PRH1: variants seen among roughly 807,000 people sequenced by gnomAD.
PRH1 encodes salivary acidic proline-rich phosphoprotein 1/2.
Under a neutral mutation model 7.9 loss-of-function variants are expected in PRH1, and 7 were observed. The observed-to-expected ratio is 0.89, with a 90% confidence interval of 0.50 to 1.67. The LOEUF is 1.67. PRH1 is among the 40% of genes most tolerant of loss of function. PRH1 has a pLI of 0.00. For missense variants in PRH1, 109 were observed against 223.6 expected (o/e 0.49, Z 3.27); for synonymous variants, 45 against 80.8 (o/e 0.56, Z 2.38).
chr12:11,102,513 A>C (rs866583868), intron 1 of PRH1, among the ~76,000 whole-genome samples: 8 of 152,274 alleles, frequency 5.3e-5, no homozygotes, highest in African/African-American at 1.2e-4. Flanking sequence ...AACTGGATCC[A>C]TTCCTTACAC....
intron 2 of PRH1, among the ~76,000 whole-genome samples, chr12:10,923,745 T>C (rs1049276787): frequency 4.6e-5 from 7 of 152,210 alleles, no homozygotes; most frequent in Non-Finnish European, 1.0e-4. Context: ...CCATTTATTT[T>C]CTGTCACTGT....
intron 1 of PRH1, chr12:11,091,605 T>G: frequency 7.6e-7 from 1 of 1,315,848 alleles, no homozygotes; most frequent in South Asian, 1.2e-5. Flanking sequence ...TGGAGCTGCA[T>G]CTTCTTGAGA....
intron 2 of PRH1, chr12:10,937,405 T>A (rs1243444621): frequency 6.6e-6 from 1 of 152,026 alleles, no homozygotes; most frequent in African/African-American, 2.4e-5. Context: ...CAGCAAAAAA[T>A]TTGATAGTTT....
intron 1 of PRH1, among the ~76,000 whole-genome samples, chr12:11,167,280 G>A (rs987182075): frequency 6.6e-6 from 1 of 151,996 alleles, no homozygotes; most frequent in South Asian, 2.1e-4. Flanking sequence ...CCTGTGTCTG[G>A]GGCTCCCAGG....
At chr12:10,939,284 T>C (rs1950352908) in intron 2 of PRH1, 3 of 802,972 alleles carry the variant, frequency 3.7e-6, no homozygotes, top group African/African-American at 1.8e-5. Context: ...ATGCTATGTA[T>C]ATCTGATTCT....
In PRH1 at chr12:11,094,611, A is replaced by G. The variant is rs1458709643; in HGVS notation, n.124-47423T>C. Among the ~76,000 whole-genome samples, 2 of 116,214 alleles carry G rather than the reference A, an allele frequency of 1.7e-5. 1 individual carries two copies. Among genetic ancestry groups the G allele is most frequent in the Admixed American group, 1.7e-4 (2 of 11,592 alleles). The allele number at this position is 116,214 out of a possible 152,430, so 76.2% of individuals were successfully genotyped here. A position where few individuals can be genotyped will look rare whatever the true frequency, so the allele number is the denominator to read the frequency against. On this transcript the variant is annotated intron_variant and non_coding_transcript_variant, in intron 1 of 4. Coordinates refer to the PRH1 transcript ENST00000541977. ...TTTTCTTATGTTGCAACTAAATAAGAAAGTTCCTATTTCAACTATCTTAGA... is the reference window on the plus strand; with the variant it reads ...TTTTCTTATGTTGCAACTAAATAAGGAAGTTCCTATTTCAACTATCTTAGA...
At chr12:10,954,689 C>T (rs972966960) in intron 2 of PRH1, among the ~76,000 whole-genome samples, 1 of 152,094 alleles carries the variant, frequency 6.6e-6, no homozygotes, top group East Asian at 1.9e-4. Flanking sequence ...GTTGCTCAGG[C>T]TGGTCTCAAA....
upstream of PRH1, among the ~76,000 whole-genome samples, chr12:11,051,456 C>T (rs1943140258): frequency 6.6e-6 from 1 of 152,054 alleles, no homozygotes; most frequent in African/African-American, 2.4e-5. Flanking sequence ...CTAGACTGCA[C>T]ACTTAGAAAT....
chr12:10,909,230 G>T lies in PRH1; in HGVS notation c.-58-24955C>A, dbSNP rs767672649. The T allele has an allele frequency of 6.5e-5, 105 of 1,613,404 alleles. No homozygotes were observed. Among genetic ancestry groups the T allele is most frequent in the Middle Eastern group, 1.6e-4 (1 of 6,082 alleles). ...AGTTGATCAGTACTATAAATCCATT[G>T]CTCAAATTCCCAATTATGAATTCTG... is the stretch of plus-strand genomic sequence containing the variant. On this transcript the variant is annotated intron_variant, in intron 2 of 3. Transcript: ENST00000539853.
intron 2 of PRH1, chr12:10,964,418 A>G (rs1938401326): frequency 4.3e-6 from 1 of 232,966 alleles, no homozygotes; most frequent in Non-Finnish European, 9.4e-6. Context: ...CCACTTGTGA[A>G]TCTAGAAATT....
chr12:10,912,911 T>C (rs1949920943), intron 2 of PRH1, among the ~76,000 whole-genome samples: 1 of 152,210 alleles, frequency 6.6e-6, no homozygotes, highest in Non-Finnish European at 1.5e-5. Context: ...ACTAGATCTA[T>C]TTGTAATCAT....
intron 1 of PRH1, among the ~76,000 whole-genome samples, chr12:11,017,104 G>T (rs899124489): frequency 3.9e-4 from 59 of 152,282 alleles, no homozygotes; most frequent in African/African-American, 1.3e-3. Context: ...CTGGCAGTTT[G>T]CATGTGGCTC....
intron 1 of PRH1, among the ~76,000 whole-genome samples, chr12:11,037,168 G>T (rs1346375350): frequency 6.6e-6 from 1 of 152,164 alleles, no homozygotes; most frequent in African/African-American, 2.4e-5. Context: ...CACTAACATG[G>T]ACAAATAGTC....
chr12:11,144,575 G>A (rs1946808830), intron 1 of PRH1, among the ~76,000 whole-genome samples: 2 of 152,172 alleles, frequency 1.3e-5, no homozygotes, highest in South Asian at 4.1e-4. Context: ...ACGTCTGCAT[G>A]CCCGATTCAC....
At chr12:11,048,142 A>G (rs1942978170), upstream of PRH1, among the ~76,000 whole-genome samples, 1 of 121,802 alleles carries the variant, frequency 8.2e-6, no homozygotes, top group East Asian at 2.1e-4. Context: ...ACCCACACAC[A>G]TATATGTGTG....
At chr12:10,935,980 G>A (rs1286335239) in intron 2 of PRH1, among the ~76,000 whole-genome samples, 2 of 152,036 alleles carry the variant, frequency 1.3e-5, no homozygotes, top group Non-Finnish European at 2.9e-5. Flanking sequence ...TGAATCTGAG[G>A]AACACACCAA....
At chr12:10,894,029 A>G (rs1949611987) in intron 2 of PRH1, among the ~76,000 whole-genome samples, 1 of 151,928 alleles carries the variant, frequency 6.6e-6, no homozygotes, top group African/African-American at 2.4e-5. Context: ...TTCTTTTCAA[A>G]ACTTTATTTA....
chr12:10,904,333 T>C (rs1273407081), intron 2 of PRH1, among the ~76,000 whole-genome samples: 1 of 151,896 alleles, frequency 6.6e-6, no homozygotes, highest in African/African-American at 2.4e-5. Flanking sequence ...AACAGACACA[T>C]AGACCAATGG....
intron 1 of PRH1, among the ~76,000 whole-genome samples, chr12:10,973,883 C>T (rs908066853): frequency 3.3e-5 from 5 of 152,154 alleles, no homozygotes; most frequent in Non-Finnish European, 5.9e-5. Context: ...TTCTGGCGGG[C>T]TTTTTTGGTA....
Sources: allele counts gnomAD v4.1 joint callset (sites outside exome capture counted in the v4.1 genomes callset), GRCh38; gene constraint gnomAD v4.1.1; transcripts MANE v1.5; gene names NCBI Gene and HGNC (gene_info 2026-07-23, HGNC 2026-07-21).